SIK3: variants seen among roughly 807,000 people sequenced by gnomAD.
SIK3 encodes the protein serine/threonine-protein kinase SIK3.
SIK3 carries 28 observed loss-of-function variants against 144.2 expected under a neutral mutation model. That is an observed-to-expected ratio of 0.19 (90% CI 0.14 to 0.27). SIK3 has a LOEUF of 0.27. SIK3 is among the 10% of genes least tolerant of loss of function. The pLI, the probability that SIK3 is intolerant of heterozygous loss-of-function variation, is 1.00. For synonymous variants in SIK3, 686 were observed against 676.3 expected (o/e 1.01, Z -0.22); for missense variants, 1,319 against 1,776.0 (o/e 0.74, Z 4.62).
chr11:116,980,799 C>T (rs935440010), intron 1 of SIK3, among the ~76,000 whole-genome samples: 6 of 151,866 alleles, frequency 4.0e-5, no homozygotes, highest in Non-Finnish European at 7.4e-5. Flanking sequence ...CTGCAGTGAG[C>T]TGAGATCATG....
intron 4 of SIK3, among the ~76,000 whole-genome samples, chr11:116,923,424 A>G (rs911000384): frequency 2.6e-5 from 4 of 152,176 alleles, no homozygotes; most frequent in African/African-American, 9.6e-5. Context: ...AAAACATCCA[A>G]CCTACCTCTC....
intron 1 of SIK3, among the ~76,000 whole-genome samples, chr11:117,061,306 C>G (rs1376488610): frequency 6.6e-6 from 1 of 152,042 alleles, no homozygotes; most frequent in African/African-American, 2.4e-5. Flanking sequence ...CCATTTGAGT[C>G]ACACAAGAGA....
chr11:117,073,140 A>G (rs1163924266), intron 1 of SIK3, among the ~76,000 whole-genome samples: 3 of 152,156 alleles, frequency 2.0e-5, no homozygotes, highest in Non-Finnish European at 2.9e-5. Flanking sequence ...AGAAAAACCT[A>G]ATGAGGGAAG....
chr11:117,095,551 C>T (rs1955438995), intron 1 of SIK3, among the ~76,000 whole-genome samples: 1 of 152,190 alleles, frequency 6.6e-6, no homozygotes, highest in Non-Finnish European at 1.5e-5. Flanking sequence ...AGTACCTATG[C>T]ACCTTCACCA....
At chr11:117,000,227 G>T (rs1565542554) in intron 1 of SIK3, among the ~76,000 whole-genome samples, 1 of 152,154 alleles carries the variant, frequency 6.6e-6, no homozygotes, top group Non-Finnish European at 1.5e-5. Context: ...TACTATTTCT[G>T]TCTTAAAAAC....
intron 1 of SIK3, among the ~76,000 whole-genome samples, chr11:116,996,593 G>A (rs940737446): frequency 2.6e-5 from 4 of 151,946 alleles, no homozygotes; most frequent in Admixed American, 2.6e-4. Context: ...CCCAAGGCGG[G>A]TGGATCACCT....
chr11:116,876,461 T>G, intron 7 of SIK3, 98 bp from the exon 8 acceptor site: 1 of 1,003,368 alleles, frequency 1.0e-6, no homozygotes, highest in East Asian at 2.4e-5. Context: ...GCCCTCTGGC[T>G]TGGGATATTT....
chr11:116,877,090 C>A (rs781150469), intron 6 of SIK3, 48 bp from the exon 7 acceptor site: 1 of 1,552,376 alleles, frequency 6.4e-7, no homozygotes, highest in Non-Finnish European at 8.9e-7. Flanking sequence ...AGGGGAGGCA[C>A]CAGGGGAGTA....
At chr11:117,052,555 A>G (rs1026763872) in intron 1 of SIK3, among the ~76,000 whole-genome samples, 4 of 152,204 alleles carry the variant, frequency 2.6e-5, no homozygotes, top group African/African-American at 9.6e-5. Context: ...TAACATTTCA[A>G]TCTTCAGCAG....
intron 1 of SIK3, among the ~76,000 whole-genome samples, chr11:117,028,664 A>C (rs1952127439): frequency 1.3e-5 from 2 of 152,192 alleles, no homozygotes; most frequent in African/African-American, 4.8e-5. Flanking sequence ...AAAAGCATAA[A>C]GGCCTGAAAA....
Position 116,858,288 on chromosome 11 carries a change from T to TTGCTGC in SIK3, c.3171_3176dup (p.Gln1060_Gln1061dup), listed in dbSNP as rs774632940. ...TGAACAGTTCCTGGTATTCTTGCTG[T>TTGCTGC]TGCTGCTGTTGCTGCTGCTGCTGCC... On this transcript the variant is annotated inframe_insertion, in exon 21 of 25. Coordinates refer to ENST00000445177, the MANE Select transcript of SIK3 (RefSeq NM_001366686.3). The surrounding 1 kb of genome is among the most constrained non-coding windows in gnomAD (Gnocchi z 5.4). 1 of 1,610,772 alleles carries TTGCTGC rather than the reference T, an allele frequency of 6.2e-7. No homozygotes were observed. Among genetic ancestry groups the TTGCTGC allele is most frequent in the Non-Finnish European group, 8.5e-7 (1 of 1,179,056 alleles).
chr11:116,938,599 A>G (rs1591374611), intron 3 of SIK3, among the ~76,000 whole-genome samples: 1 of 31,936 alleles, frequency 3.1e-5, no homozygotes. Context: ...AGGAGAGGGG[A>G]GGAGAGGAGA....
At chr11:116,966,492 AG>A (rs1414463202) in intron 1 of SIK3, among the ~76,000 whole-genome samples, 3 of 152,312 alleles carry the variant, frequency 2.0e-5, no homozygotes, top group Admixed American at 1.3e-4. Flanking sequence ...CATAGCTTGA[AG>A]GTAATTTTAC....
chr11:117,090,116 C>T (rs529296433), intron 1 of SIK3, among the ~76,000 whole-genome samples: 2 of 152,196 alleles, frequency 1.3e-5, no homozygotes, highest in South Asian at 2.1e-4. Context: ...ACATTGCCTA[C>T]GCCATTTATT....
At chr11:116,952,893 T>C (rs1183896094) in intron 3 of SIK3, among the ~76,000 whole-genome samples, 1 of 152,258 alleles carries the variant, frequency 6.6e-6, no homozygotes, top group Non-Finnish European at 1.5e-5. Context: ...ATGCTTTCAT[T>C]TCTTTAAAAT....
At chr11:116,994,302 G>A (rs905477371) in intron 1 of SIK3, among the ~76,000 whole-genome samples, 1 of 152,192 alleles carries the variant, frequency 6.6e-6, no homozygotes, top group Non-Finnish European at 1.5e-5. Flanking sequence ...TAGGTAAGGA[G>A]ATAGGGAATT....
chr11:117,081,970 G>C (rs2134020389), intron 1 of SIK3, among the ~76,000 whole-genome samples: 1 of 152,048 alleles, frequency 6.6e-6, no homozygotes, highest in Middle Eastern at 3.4e-3. Flanking sequence ...TTCAAAAATG[G>C]GCAAAGGATG....
At chr11:116,963,101 T>A (rs1307300026) in intron 1 of SIK3, among the ~76,000 whole-genome samples, 1 of 152,204 alleles carries the variant, frequency 6.6e-6, no homozygotes, top group African/African-American at 2.4e-5. Flanking sequence ...GTTACAAGGC[T>A]CTCAATGCTC....
chr11:116,935,548 C>T (rs1006593415), intron 3 of SIK3, among the ~76,000 whole-genome samples: 3 of 152,012 alleles, frequency 2.0e-5, no homozygotes, highest in African/African-American at 7.2e-5. Flanking sequence ...AAGCATAAAC[C>T]CAGGTAGGCT....
Sources: gnomAD v4.1 joint callset for allele counts (sites outside exome capture counted in the v4.1 genomes callset) on GRCh38, gnomAD v4.1.1 for gene constraint, Gnocchi (gnomAD v3.1) non-coding constraint, MANE v1.5 for transcripts, NCBI Gene and HGNC (gene_info 2026-07-23, HGNC 2026-07-21) for gene names.